IQGAP2: variants seen among roughly 807,000 people sequenced by gnomAD.
The protein encoded by IQGAP2 is IQ motif containing GTPase activating protein 2.
Under a neutral mutation model 201.3 loss-of-function variants are expected in IQGAP2, and 173 were observed. That is an observed-to-expected ratio of 0.86 (90% CI 0.76 to 0.98). The LOEUF (loss-of-function observed/expected upper bound fraction) is 0.98. IQGAP2 is among the 50% of genes least tolerant of loss of function. IQGAP2 has a pLI of 0.00. For missense variants in IQGAP2, 1,687 were observed against 1,864.8 expected (o/e 0.90, Z 1.76); for synonymous variants, 675 against 673.9 (o/e 1.00, Z -0.03).
intron 9 of IQGAP2, 111 bp from the exon 10 acceptor site, chr5:76,597,328 G>A: frequency 9.5e-7 from 1 of 1,054,302 alleles, no homozygotes; most frequent in South Asian, 1.5e-5. Flanking sequence ...GCTTTTCAGA[G>A]TTCATGAAAA....
intron 11 of IQGAP2, among the ~76,000 whole-genome samples, chr5:76,601,835 A>G (rs1039222106): frequency 6.6e-5 from 10 of 152,344 alleles, no homozygotes; most frequent in African/African-American, 2.4e-4. Flanking sequence ...GTGAATGGCC[A>G]AAAGGTAATG....
chr5:76,688,614 C>T (rs763927354), intron 30 of IQGAP2, among the ~76,000 whole-genome samples: 1 of 152,034 alleles, frequency 6.6e-6, no homozygotes, highest in Non-Finnish European at 1.5e-5. Context: ...TTTGAATTTT[C>T]GGATTTAGGA....
At chr5:76,426,529 C>T (rs2150085912) in intron 1 of IQGAP2, among the ~76,000 whole-genome samples, 1 of 152,328 alleles carries the variant, frequency 6.6e-6, no homozygotes, top group South Asian at 2.1e-4. Context: ...AAAAATAGAA[C>T]ATCACCATTC....
chr5:76,438,018 T>TG lies in IQGAP2; in HGVS notation c.47-23552_47-23551insG, dbSNP rs1561371498. Among the ~76,000 whole-genome samples, 308 of 44,000 alleles carry TG rather than the reference T, an allele frequency of 7.0e-3. 1 individual carries two copies. Among genetic ancestry groups the TG allele is most frequent in the East Asian group, 0.037 (124 of 3,320 alleles). 28.9% of individuals were successfully genotyped at this position (44,000 alleles called of 152,430 possible). A position where few individuals can be genotyped will look rare whatever the true frequency, so the allele number is the denominator to read the frequency against. On this transcript the variant is annotated intron_variant, in intron 1 of 35. Transcript: ENST00000274364. ...GTATATTGGTCTGTAGTTTTTTTTT[T>TG]TTTTTTTTTTTTGTTTGTTTTTTTT...
intron 3 of IQGAP2, among the ~76,000 whole-genome samples, chr5:76,563,602 A>G (rs766584913): frequency 3.3e-5 from 5 of 152,224 alleles, no homozygotes; most frequent in Non-Finnish European, 7.3e-5. Flanking sequence ...TCCATTAGCA[A>G]TGTATCTTCA....
chr5:76,457,992 A>G (rs951633179), intron 1 of IQGAP2, among the ~76,000 whole-genome samples: 2 of 152,242 alleles, frequency 1.3e-5, no homozygotes, highest in Admixed American at 6.5e-5. Context: ...GCAGTTAATC[A>G]AGTTACTTTA....
In IQGAP2 at chr5:76,508,465, G is replaced by A. The variant is rs150165738; in HGVS notation, c.146+46796G>A. On this transcript the variant is annotated intron_variant, in intron 2 of 35. Coordinates refer to ENST00000274364, the MANE Select transcript of IQGAP2 (RefSeq NM_006633.5). Reference sequence around the variant, plus strand: ...ACAGCAATGAGATATCACTATATACGTCTTAGAATGGCCTTTATGATGGGC... The same window carrying A: ...ACAGCAATGAGATATCACTATATACATCTTAGAATGGCCTTTATGATGGGC... 4.3e-4 allele frequency among the ~76,000 whole-genome samples: 66 copies of A among 152,252 alleles called. 2 individuals carry two copies. The highest frequency in any genetic ancestry group is 3.9e-3 in the East Asian group (20 of 5,188).
intron 20 of IQGAP2, among the ~76,000 whole-genome samples, chr5:76,656,877 G>C (rs569009203): frequency 7.1e-6 from 1 of 141,392 alleles, no homozygotes; most frequent in Admixed American, 7.1e-5. Flanking sequence ...GAAAACTAAG[G>C]CTTTGGGATT....
intron 5 of IQGAP2, among the ~76,000 whole-genome samples, chr5:76,581,058 C>T (rs1298078989): frequency 1.3e-5 from 2 of 152,220 alleles, no homozygotes; most frequent in Non-Finnish European, 2.9e-5. Flanking sequence ...GCCATGTTTT[C>T]AGGTGCAATG....
chr5:76,576,897 G>A (rs1015523730), intron 5 of IQGAP2, among the ~76,000 whole-genome samples: 5 of 152,184 alleles, frequency 3.3e-5, no homozygotes, highest in African/African-American at 2.4e-5. Context: ...CAGATGTGGC[G>A]AGAGTATCAT....
At chr5:76,505,222 C>T (rs1757547138) in intron 2 of IQGAP2, among the ~76,000 whole-genome samples, 1 of 152,202 alleles carries the variant, frequency 6.6e-6, no homozygotes, top group Non-Finnish European at 1.5e-5. Context: ...AGATATTTGT[C>T]TAGTGAAGGA....
intron 2 of IQGAP2, among the ~76,000 whole-genome samples, chr5:76,540,804 G>C (rs1036778968): frequency 1.3e-5 from 2 of 152,268 alleles, no homozygotes; most frequent in South Asian, 2.1e-4. Context: ...AACCATACAT[G>C]ATGGCCCCGG....
At chr5:76,609,765 A>T (rs1032017384) in intron 12 of IQGAP2, among the ~76,000 whole-genome samples, 9 of 151,806 alleles carry the variant, frequency 5.9e-5, no homozygotes, top group African/African-American at 2.2e-4. Context: ...TTTCTTTAAC[A>T]GTTCTTATCC....
intron 22 of IQGAP2, among the ~76,000 whole-genome samples, chr5:76,666,294 G>A (rs1743752492): frequency 6.6e-6 from 1 of 152,100 alleles, no homozygotes; most frequent in East Asian, 1.9e-4. Flanking sequence ...GAAAGAAAGG[G>A]GGCTCACTTT....
At chr5:76,628,483 T>C (rs1239098015) in intron 14 of IQGAP2, among the ~76,000 whole-genome samples, 1 of 152,224 alleles carries the variant, frequency 6.6e-6, no homozygotes, top group Non-Finnish European at 1.5e-5. Context: ...TGTTTAACCC[T>C]CTGTTTTTAA....
intron 24 of IQGAP2, among the ~76,000 whole-genome samples, chr5:76,672,943 A>G (rs1176782572): frequency 2.6e-5 from 4 of 151,806 alleles, no homozygotes; most frequent in Non-Finnish European, 4.4e-5. Context: ...TTTAGGAGAT[A>G]TACCTAATGC....
chr5:76,626,778 G>A (rs762457539), intron 13 of IQGAP2, among the ~76,000 whole-genome samples: 1 of 152,190 alleles, frequency 6.6e-6, no homozygotes, highest in Non-Finnish European at 1.5e-5. Flanking sequence ...GGGAGAGAGT[G>A]TTTGACTAGG....
chr5:76,656,547 T>C (rs952979241), intron 20 of IQGAP2, among the ~76,000 whole-genome samples: 1 of 152,156 alleles, frequency 6.6e-6, no homozygotes, highest in East Asian at 1.9e-4. Context: ...CACTAAAATA[T>C]GTTTGCTGTT....
chr5:76,441,029 C>T (rs1752999071), intron 1 of IQGAP2, among the ~76,000 whole-genome samples: 1 of 140,384 alleles, frequency 7.1e-6, no homozygotes, highest in African/African-American at 2.7e-5. Context: ...AAGACTCAGT[C>T]TCAAAAAAAA....
Sources: allele counts gnomAD v4.1 joint callset (sites outside exome capture counted in the v4.1 genomes callset), GRCh38; gene constraint gnomAD v4.1.1; transcripts MANE v1.5; gene names NCBI Gene and HGNC (gene_info 2026-07-23, HGNC 2026-07-21).